Variants in MCC observed in about 807,000 individuals in gnomAD.
MCC encodes the protein MCC regulator of Wnt signaling pathway.
MCC carries 90 observed loss-of-function variants against 116.2 expected under a neutral mutation model. That is an observed-to-expected ratio of 0.77 (90% CI 0.65 to 0.92). The LOEUF is 0.92. MCC is among the 40% of genes least tolerant of loss of function. The probability of loss-of-function intolerance (pLI) is 0.00; values close to 1 mark genes in which losing one functional copy is unlikely to be tolerated. For missense variants in MCC, 1,516 were observed against 1,312.2 expected (o/e 1.16, Z -2.40); for synonymous variants, 578 against 510.5 (o/e 1.13, Z -1.78).
intron 2 of MCC, among the ~76,000 whole-genome samples, chr5:113,382,032 T>C (rs1182666031): frequency 6.6e-6 from 1 of 152,066 alleles, no homozygotes; most frequent in Non-Finnish European, 1.5e-5. Context: ...ATTGCCAACA[T>C]GGAGGCAGCA....
At chr5:113,179,606 T>G (rs1761508281) in intron 3 of MCC, among the ~76,000 whole-genome samples, 1 of 152,240 alleles carries the variant, frequency 6.6e-6, no homozygotes, top group Admixed American at 6.5e-5. Flanking sequence ...TATTGATTTC[T>G]TTTAAAATGC....
chr5:113,053,219 A>G (rs1460645654), intron 15 of MCC, among the ~76,000 whole-genome samples: 1 of 152,120 alleles, frequency 6.6e-6, no homozygotes, highest in Non-Finnish European at 1.5e-5. Context: ...TGAAACACTG[A>G]CCTCAACAGC....
At chr5:113,386,924 A>G (rs2150394153) in intron 1 of MCC, among the ~76,000 whole-genome samples, 1 of 152,254 alleles carries the variant, frequency 6.6e-6, no homozygotes, top group Middle Eastern at 3.4e-3. Context: ...ATTATCCCAC[A>G]GTAGTGTTAT....
chr5:113,220,500 T>C (rs1438079557), intron 3 of MCC, among the ~76,000 whole-genome samples: 1 of 152,210 alleles, frequency 6.6e-6, no homozygotes, highest in East Asian at 1.9e-4. Flanking sequence ...ATCATTTCTT[T>C]TATTAATGTT....
intron 9 of MCC, 91 bp from the exon 10 acceptor site, chr5:113,084,281 C>A: frequency 1.0e-6 from 1 of 967,622 alleles, no homozygotes; most frequent in South Asian, 1.4e-5. Context: ...TACTTTTTAG[C>A]CATGTCAACT....
intron 3 of MCC, among the ~76,000 whole-genome samples, chr5:113,184,392 T>C (rs956736085): frequency 7.9e-5 from 12 of 152,128 alleles, no homozygotes; most frequent in Non-Finnish European, 1.3e-4. Flanking sequence ...GAAGAAAAAT[T>C]AGACCAACTT....
In MCC at chr5:113,063,995, G is replaced by A; in HGVS notation, c.2202C>T (p.Asn734=). The change falls in exon 14 of 19, where the codon AAC becomes AAT. Residue 734 remains asparagine (N), a synonymous_variant. Transcript: ENST00000408903. The part of the protein sequence containing the change: ...SVQPWESLSS[N]SHTSTTSSTA... ...AGGCTGAGCATTACCTGGTGTGGCT[G>A]TTGGAGGAAAGGCTCTCCCAGGGCT... 1.9e-6 allele frequency: 3 copies of A among 1,612,506 alleles called. No homozygotes were observed. Among genetic ancestry groups the A allele is most frequent in the Non-Finnish European group, 2.5e-6 (3 of 1,179,582 alleles).
intron 4 of MCC, among the ~76,000 whole-genome samples, chr5:113,147,150 C>A (rs1759572642): frequency 6.6e-6 from 1 of 152,176 alleles, no homozygotes; most frequent in African/African-American, 2.4e-5. Flanking sequence ...ATTAAACATG[C>A]ATATAAATAC....
At chr5:113,339,563 G>T (rs912862576) in intron 3 of MCC, among the ~76,000 whole-genome samples, 1 of 152,064 alleles carries the variant, frequency 6.6e-6, no homozygotes, top group African/African-American at 2.4e-5. Context: ...CTCTTTATTA[G>T]ACTTTCCTTG....
rs112577983 is a variant in MCC, at chr5:113,464,731, G to A, written c.170+23514C>T. 1.9e-3 allele frequency among the ~76,000 whole-genome samples: 291 copies of A among 151,618 alleles called. 2 individuals carry two copies. The highest frequency in any genetic ancestry group is 6.6e-3 in the African/African-American group (271 of 41,304). ...AGTACATAGTATGCACTCAATAAAT[G>A]TATGTTGAATAAAATATTTGAATAA... is the stretch of plus-strand genomic sequence containing the variant. On this transcript the variant is annotated intron_variant, in intron 1 of 18. Transcript: ENST00000408903.
At chr5:113,384,928 C>G in intron 2 of MCC, 40 bp downstream of exon 2, 2 of 1,610,232 alleles carry the variant, frequency 1.2e-6, no homozygotes, top group Non-Finnish European at 1.7e-6. Context: ...ACAGGCAAGG[C>G]CAGTGGAGTG....
chr5:113,107,264 C>T (rs1221375171), intron 6 of MCC, among the ~76,000 whole-genome samples: 4 of 145,462 alleles, frequency 2.7e-5, no homozygotes, highest in Non-Finnish European at 6.0e-5. Context: ...GTCTCCCAGG[C>T]TGGAGTGCAG....
intron 3 of MCC, among the ~76,000 whole-genome samples, chr5:113,166,010 T>A (rs1444302399): frequency 6.6e-6 from 1 of 152,120 alleles, no homozygotes; most frequent in Non-Finnish European, 1.5e-5. Flanking sequence ...TTTCCCAAGC[T>A]CATGAAGCCC....
At chr5:113,373,711 T>A (rs190689694) in intron 2 of MCC, among the ~76,000 whole-genome samples, 119 of 152,284 alleles carry the variant, frequency 7.8e-4, no homozygotes, top group African/African-American at 2.7e-3. Context: ...TGGAAAAAAA[T>A]GGTTAGTTTT....
intron 3 of MCC, among the ~76,000 whole-genome samples, chr5:113,172,765 G>A (rs1761139456): frequency 6.6e-6 from 1 of 152,128 alleles, no homozygotes; most frequent in Non-Finnish European, 1.5e-5. Flanking sequence ...TTAATTATCT[G>A]GCCAAGGCTT....
At chr5:113,262,731 G>A (rs1765260952) in intron 3 of MCC, among the ~76,000 whole-genome samples, 1 of 152,112 alleles carries the variant, frequency 6.6e-6, no homozygotes, top group African/African-American at 2.4e-5. Context: ...TTGAGCATCA[G>A]AGTCATCTGG....
At chr5:113,465,867 A>G (rs76982909) in intron 1 of MCC, among the ~76,000 whole-genome samples, 6,052 of 152,324 alleles carry the variant, frequency 0.04, 186 homozygotes, top group East Asian at 0.11. Context: ...GTTACTGAAT[A>G]GATAAGAAAA....
chr5:113,312,055 G>A (rs1419872800), intron 3 of MCC, among the ~76,000 whole-genome samples: 1 of 152,156 alleles, frequency 6.6e-6, no homozygotes, highest in African/African-American at 2.4e-5. Context: ...GCAGTGAGCC[G>A]AGGTCGCGCC....
chr5:113,078,818 G>A (rs1438596695), intron 11 of MCC, among the ~76,000 whole-genome samples: 1 of 152,178 alleles, frequency 6.6e-6, no homozygotes, highest in Non-Finnish European at 1.5e-5. Context: ...GGGCAATGAG[G>A]CAGGAGAAAG....
Sources: allele counts gnomAD v4.1 joint callset (sites outside exome capture counted in the v4.1 genomes callset), GRCh38; gene constraint gnomAD v4.1.1; transcripts MANE v1.5; gene names NCBI Gene and HGNC (gene_info 2026-07-23, HGNC 2026-07-21).